The following DYNC2H1 variants were observed in gnomAD, a reference collection of about 807,000 sequenced individuals.
DYNC2H1 encodes cytoplasmic dynein 2 heavy chain 1.
In DYNC2H1, 410 loss-of-function variants were observed where a neutral mutation model predicts 570.0. The ratio of observed to expected loss-of-function variants is 0.72; its 90% CI spans 0.66 to 0.78. The LOEUF is 0.78. DYNC2H1 is among the 30% of genes least tolerant of loss of function. DYNC2H1 has a pLI of 0.00. For synonymous variants in DYNC2H1, 1,688 were observed against 1,677.6 expected (o/e 1.01, Z -0.15); for missense variants, 4,865 against 5,046.4 (o/e 0.96, Z 1.09).
At chr11:103,117,551 T>G in intron 5 of DYNC2H1, 80 bp from the exon 6 acceptor site, 1 of 1,151,322 alleles carries the variant, frequency 8.7e-7, no homozygotes, top group Non-Finnish European at 1.2e-6. Flanking sequence ...TTTAAAAATA[T>G]TGTCATAAGC....
chr11:103,201,969 G>A lies in DYNC2H1; in HGVS notation c.8198-1694G>A, dbSNP rs1005701604. Among the ~76,000 whole-genome samples, 3 of 152,150 alleles carry A rather than the reference G, an allele frequency of 2.0e-5. No individual in the cohort carries two copies. Among genetic ancestry groups the A allele is most frequent in the Non-Finnish European group, 4.4e-5 (3 of 68,004 alleles). ...GTTATATGAACTCATTTTCAACTCAGTTTTCAATAAATACTTGCTTTGTAT... is the reference window on the plus strand; with the variant it reads ...GTTATATGAACTCATTTTCAACTCAATTTTCAATAAATACTTGCTTTGTAT... On this transcript the variant is annotated intron_variant, in intron 50 of 88. Transcript: ENST00000375735. The surrounding 1 kb of genome is among the most constrained non-coding windows in gnomAD (Gnocchi z 4.8).
chr11:103,395,264 TG>T lies in DYNC2H1; in HGVS notation c.12157-4398del, dbSNP rs1230040316. Among the ~76,000 whole-genome samples the T allele has an allele frequency of 6.6e-6, 1 of 152,062 alleles. No individual in the cohort carries two copies. Among genetic ancestry groups the T allele is most frequent in the Non-Finnish European group, 1.5e-5 (1 of 67,998 alleles). ...GTATATGATTGAAAAGGTGTTAAAA[TG>T]TTTTTTTCATAGCTTGTTTCAAGAA... On this transcript the variant is annotated intron_variant, in intron 83 of 88. Transcript: ENST00000375735. This position sits in a 1 kb window ranked among gnomAD's most constrained non-coding sequence, Gnocchi z 4.3.
intron 20 of DYNC2H1, among the ~76,000 whole-genome samples, chr11:103,150,833 G>A (rs1463133505): frequency 2.6e-5 from 4 of 152,140 alleles, no homozygotes; most frequent in African/African-American, 9.7e-5. Context: ...AGAGATTGAT[G>A]TTGTTTGCTG....
intron 20 of DYNC2H1, among the ~76,000 whole-genome samples, chr11:103,149,400 T>C (rs998478851): frequency 6.6e-6 from 1 of 152,164 alleles, no homozygotes; most frequent in Non-Finnish European, 1.5e-5. Flanking sequence ...TAACATATTA[T>C]AGAGATTTTA....
chr11:103,320,539 A>G (rs12292276), intron 80 of DYNC2H1, among the ~76,000 whole-genome samples: 25,009 of 152,258 alleles, frequency 0.16, 2,246 homozygotes, highest in Admixed American at 0.26. Flanking sequence ...AAGGTGTTTC[A>G]TAGAGTTTCC....
At chr11:103,130,194 C>T (rs1413308112) in intron 13 of DYNC2H1, among the ~76,000 whole-genome samples, 1 of 152,186 alleles carries the variant, frequency 6.6e-6, no homozygotes, top group Non-Finnish European at 1.5e-5. Flanking sequence ...CACGTAGACA[C>T]TTTCTGCCTA....
In DYNC2H1 at chr11:103,192,112, C is replaced by T; in HGVS notation, c.7556C>T (p.Pro2519Leu). Residue 2519 changes from proline to leucine, a missense_variant, in exon 47 of 89, where the codon CCA becomes CTA. By Grantham distance (98) the Pro-to-Leu change is moderately conservative. Transcript: ENST00000375735. ...YDLEGGSSNH[P>L]LDYVLEIVAY... ...CCTTTTCTAGGATCCTCAAACCATC[C>T]ACTAGATTATGTGTTAGAAATTGTA... The T allele has an allele frequency of 6.6e-7, 1 of 1,519,678 alleles. No homozygotes were observed. The highest frequency in any genetic ancestry group is 8.9e-7 in the Non-Finnish European group (1 of 1,126,818). The allele number at this position is 1,519,678 out of a possible 1,614,324, so 94.1% of individuals were successfully genotyped here.
rs115433159 is a variant in DYNC2H1, at chr11:103,328,135, A to T, written c.12039+4145A>T. 4.2e-3 allele frequency among the ~76,000 whole-genome samples: 643 copies of T among 152,304 alleles called. 3 individuals are homozygous for T. The highest frequency in any genetic ancestry group is 0.014 in the African/African-American group (597 of 41,570). ...AATTTCTACTAGTTTGTCTTGCCTT[A>T]GTATTCCAATTTTTATGAATACTTT... On this transcript the variant is annotated intron_variant, in intron 82 of 88. Transcript: ENST00000375735.
intron 84 of DYNC2H1, among the ~76,000 whole-genome samples, chr11:103,427,143 C>A (rs932229076): frequency 6.6e-6 from 1 of 151,978 alleles, no homozygotes; most frequent in African/African-American, 2.4e-5. Context: ...GAAATTATAA[C>A]CCCAACATGC....
chr11:103,173,759 A>G (rs1488342931), intron 35 of DYNC2H1, among the ~76,000 whole-genome samples: 1 of 152,142 alleles, frequency 6.6e-6, no homozygotes, highest in Non-Finnish European at 1.5e-5. Context: ...AGAGATTGAG[A>G]GCAAGATGGA....
Position 103,186,745 on chromosome 11 carries a change from G to T in DYNC2H1, c.6893+244G>T, listed in dbSNP as rs577225875. Among the ~76,000 whole-genome samples the T allele has an allele frequency of 7.1e-6, 1 of 139,980 alleles. No homozygotes were observed. Among genetic ancestry groups the T allele is most frequent in the East Asian group, 2.1e-4 (1 of 4,810 alleles). The allele number at this position is 139,980 out of a possible 152,430, so 91.8% of individuals were successfully genotyped here. ...GAGAAGATACTCTTAAAAATTATCC[G>T]TCCATATAATACAGCAAAAAAAAAA... On this transcript the variant is annotated intron_variant, in intron 42 of 88. Coordinates refer to ENST00000375735, the MANE Select transcript of DYNC2H1 (RefSeq NM_001377.3). The surrounding 1 kb of genome is among the most constrained non-coding windows in gnomAD (Gnocchi z 4.5).
chr11:103,438,470 C>T (rs921289660), intron 85 of DYNC2H1, among the ~76,000 whole-genome samples: 1 of 152,054 alleles, frequency 6.6e-6, no homozygotes, highest in Non-Finnish European at 1.5e-5. Context: ...GAAAATGGCA[C>T]CTTTTGGTTT....
chr11:103,167,039 A>C (rs1466473366), intron 31 of DYNC2H1, among the ~76,000 whole-genome samples: 1 of 114,846 alleles, frequency 8.7e-6, no homozygotes, highest in Non-Finnish European at 1.7e-5. Flanking sequence ...AGCCTGCATA[A>C]TTTCTACTGC....
chr11:103,112,011 T>C (rs1429509472), intron 1 of DYNC2H1, among the ~76,000 whole-genome samples: 1 of 152,180 alleles, frequency 6.6e-6, no homozygotes, highest in East Asian at 1.9e-4. Context: ...ATAAGTGCCG[T>C]TAAGATAAAA....
intron 55 of DYNC2H1, among the ~76,000 whole-genome samples, chr11:103,218,072 G>C (rs534311588): frequency 6.6e-6 from 1 of 152,326 alleles, no homozygotes; most frequent in African/African-American, 2.4e-5. Flanking sequence ...CCTCAGTCTA[G>C]TATGGCAAGG....
In DYNC2H1 at chr11:103,189,570, A is replaced by T; in HGVS notation, c.7293-102A>T. On this transcript the variant is annotated intron_variant, in intron 44 of 88. Transcript: ENST00000375735. The surrounding 1 kb of genome is among the most constrained non-coding windows in gnomAD (Gnocchi z 4.3). ...TAAGCTTTGGAGATATGTAGGTCTT[A>T]GAGCAGCACAGTTTCAAAACCACTG... 2 of 1,147,486 alleles carry T rather than the reference A, an allele frequency of 1.7e-6. No individual in the cohort carries two copies. The highest frequency in any genetic ancestry group is 2.5e-6 in the Non-Finnish European group (2 of 802,844). The allele number at this position is 1,147,486 out of a possible 1,614,324, so 71.1% of individuals were successfully genotyped here. A position where few individuals can be genotyped will look rare whatever the true frequency, so the allele number is the denominator to read the frequency against.
At chr11:103,191,195 A>G (rs901870441) in intron 45 of DYNC2H1, among the ~76,000 whole-genome samples, 1 of 151,682 alleles carries the variant, frequency 6.6e-6, no homozygotes, top group Non-Finnish European at 1.5e-5. Flanking sequence ...ATGTGCCACC[A>G]TGCCCAGCCA....
chr11:103,320,423 A>G (rs1938116414), intron 80 of DYNC2H1, among the ~76,000 whole-genome samples: 1 of 152,162 alleles, frequency 6.6e-6, no homozygotes, highest in Non-Finnish European at 1.5e-5. Flanking sequence ...AAACAAAAAC[A>G]AAAAGTTCCA....
rs1864760163 is a variant in DYNC2H1, at chr11:103,249,781, T to A, written c.10043-3504T>A. 6.6e-6 allele frequency among the ~76,000 whole-genome samples: 1 copy of A among 152,046 alleles called. No homozygotes were observed. The highest frequency in any genetic ancestry group is 2.1e-4 in the South Asian group (1 of 4,834). On this transcript the variant is annotated intron_variant, in intron 65 of 88. Coordinates refer to ENST00000375735, the MANE Select transcript of DYNC2H1 (RefSeq NM_001377.3). This position sits in a 1 kb window ranked among gnomAD's most constrained non-coding sequence, Gnocchi z 4.6. Reference sequence around the variant, plus strand: ...TCCATAACACAAAAATAACCAAACATTCTCTTCTCCCAGTTAATATGAGTG... The same window carrying A: ...TCCATAACACAAAAATAACCAAACAATCTCTTCTCCCAGTTAATATGAGTG...
Sources: allele counts gnomAD v4.1 joint callset (sites outside exome capture counted in the v4.1 genomes callset), GRCh38; gene constraint gnomAD v4.1.1; non-coding constraint Gnocchi (gnomAD v3.1); transcripts MANE v1.5; gene names NCBI Gene and HGNC (gene_info 2026-07-23, HGNC 2026-07-21).